The following BTBD2 variants were observed in gnomAD, a reference collection of about 807,000 sequenced individuals.
BTBD2 encodes the protein BTB/POZ domain-containing protein 2.
Under a neutral mutation model 44.0 loss-of-function variants are expected in BTBD2, and 15 were observed. The ratio of observed to expected loss-of-function variants is 0.34; its 90% confidence interval spans 0.23 to 0.53. The LOEUF (loss-of-function observed/expected upper bound fraction) is 0.53. Ranked by LOEUF, BTBD2 falls within the 20% of genes least tolerant of loss-of-function variation. The probability of loss-of-function intolerance (pLI) is 0.95; values close to 1 mark genes in which losing one functional copy is unlikely to be tolerated. For synonymous variants in BTBD2, 443 were observed against 335.9 expected, an observed-to-expected ratio of 1.32 and a Z score of -3.49; for missense variants, 657 against 746.4, an observed-to-expected ratio of 0.88 and a Z score of 1.39.
chr19:1,996,931 C>G (rs1013267334), intron 2 of BTBD2, among the ~76,000 whole-genome samples: 15 of 151,540 alleles, frequency 9.9e-5, no homozygotes, highest in Middle Eastern at 6.8e-3. Context: ...GCTTGTAATC[C>G]CAGCACTTTG....
intron 1 of BTBD2, among the ~76,000 whole-genome samples, chr19:2,000,031 C>T (rs1397924839): frequency 6.6e-6 from 1 of 151,986 alleles, no homozygotes; most frequent in Non-Finnish European, 1.5e-5. Flanking sequence ...GAAGCAGGGA[C>T]TGGAGCGATG....
At chr19:1,998,947 G>A (rs560483459) in intron 1 of BTBD2, among the ~76,000 whole-genome samples, 1 of 152,254 alleles carries the variant, frequency 6.6e-6, no homozygotes, top group South Asian at 2.1e-4. Context: ...ACCACAGCAA[G>A]TGCCGGCTCT....
At chr19:2,012,908 T>C (rs1403306116) in intron 1 of BTBD2, among the ~76,000 whole-genome samples, 1 of 152,148 alleles carries the variant, frequency 6.6e-6, no homozygotes, top group African/African-American at 2.4e-5. Flanking sequence ...CTGCACCTGC[T>C]GCTGGGTGAG....
intron 3 of BTBD2, chr19:1,991,066 G>A (rs1043753559): frequency 1.9e-4 from 87 of 451,430 alleles, no homozygotes; most frequent in Admixed American, 7.7e-5. Flanking sequence ...GCCAAGGAAG[G>A]AAGAAAAAGA....
intron 7 of BTBD2, 47 bp from the exon 8 acceptor site, chr19:1,987,023 C>T (rs770062327): frequency 8.1e-6 from 13 of 1,598,040 alleles, no homozygotes; most frequent in East Asian, 2.2e-5. Context: ...GGAGGGCCAA[C>T]GGGGACCCCT....
intron 1 of BTBD2, among the ~76,000 whole-genome samples, chr19:2,001,425 G>T (rs981108131): frequency 6.6e-6 from 1 of 152,192 alleles, no homozygotes; most frequent in African/African-American, 2.4e-5. Context: ...CCTGGAGGCG[G>T]AGGTCGCAGT....
rs556862769 is a variant in BTBD2, at chr19:1,986,441, G to T, written c.*47C>A. The stretch of plus-strand genomic sequence containing the variant: ...CCCCAGCAGCAGATGATGGCCTGGG[G>T]CTGCGGCTATCCCCACGGAGGGAGG... On this transcript the variant is annotated 3_prime_UTR_variant, in exon 9 of 9. Coordinates refer to ENST00000255608, the MANE Select transcript of BTBD2 (RefSeq NM_017797.4). The T allele has an allele frequency of 4.5e-5, 72 of 1,603,704 alleles. No homozygotes were observed. In the South Asian group the frequency reaches 7.3e-4, roughly 16 times the overall value.
chr19:1,986,193 G>A lies in BTBD2; in HGVS notation c.*295C>T, dbSNP rs899580394. ...GACGTGGGCAGGCGCCCTGAGCTGCGGGTCCGTGGGCCCTGGCCCAGGCCG... is the reference window on the plus strand; with the variant it reads ...GACGTGGGCAGGCGCCCTGAGCTGCAGGTCCGTGGGCCCTGGCCCAGGCCG... On this transcript the variant is annotated 3_prime_UTR_variant, in exon 9 of 9. Coordinates refer to ENST00000255608, the MANE Select transcript of BTBD2 (RefSeq NM_017797.4). 8.6e-5 allele frequency: 34 copies of A among 395,412 alleles called. No individual in the cohort carries two copies. The highest frequency in any genetic ancestry group is 4.9e-4 in the African/African-American group (24 of 49,102). 24.5% of individuals were successfully genotyped at this position (395,412 alleles called of 1,614,324 possible).
In BTBD2 at chr19:2,006,754, C is replaced by T. The variant is rs990676860; in HGVS notation, c.407+8543G>A. Among the ~76,000 whole-genome samples, 4 of 152,056 alleles carry T rather than the reference C, an allele frequency of 2.6e-5. No individual in the cohort carries two copies. In the South Asian group the frequency reaches 6.2e-4, roughly 24 times the overall value. On this transcript the variant is annotated intron_variant, in intron 1 of 8. Coordinates refer to ENST00000255608, the MANE Select transcript of BTBD2 (RefSeq NM_017797.4). ...ACCAGGCTGGCCTGCACTGGCACTACCTCAGCTCACTGCAACCTCCTCCTC... is the reference window on the plus strand; with the variant it reads ...ACCAGGCTGGCCTGCACTGGCACTATCTCAGCTCACTGCAACCTCCTCCTC...
intron 1 of BTBD2, 147 bp downstream of exon 1, chr19:2,015,150 A>G (rs1423654827): frequency 1.8e-6 from 2 of 1,126,454 alleles, no homozygotes; most frequent in Non-Finnish European, 2.2e-6. Flanking sequence ...GCAGGGGTGC[A>G]GGGGTCCCGG....
In BTBD2 at chr19:1,987,584, C is replaced by G. The variant is rs745309425; in HGVS notation, c.1097G>C (p.Cys366Ser). 3.1e-6 allele frequency: 5 copies of G among 1,612,530 alleles called. No homozygotes were observed. In the African/African-American group the frequency reaches 5.3e-5, roughly 17 times the overall value. The change falls in exon 6 of 9, where the codon TGC becomes TCC. Residue 366 changes from cysteine (C) to serine (S), a missense_variant. By Grantham distance (112) the Cys-to-Ser change is moderately radical. Transcript: ENST00000255608. ...RVEFIDRPRC[C>S]LRGKECSINR... ...GATGCTGCACTCCTTCCCACGCAGG[C>G]AGCAGCGGGGCCGGTCAATGAACTC...
chr19:2,009,345 C>T (rs1010167852), intron 1 of BTBD2, among the ~76,000 whole-genome samples: 1 of 151,882 alleles, frequency 6.6e-6, no homozygotes, highest in African/African-American at 2.4e-5. Flanking sequence ...ATTACAGGTG[C>T]CCACCGCCAC....
chr19:1,998,900 G>A (rs1050256746), intron 1 of BTBD2, among the ~76,000 whole-genome samples: 16 of 152,038 alleles, frequency 1.1e-4, no homozygotes, highest in Admixed American at 3.9e-4. Flanking sequence ...CGGTCCCTGC[G>A]TCACCTCTTC....
intron 1 of BTBD2, among the ~76,000 whole-genome samples, chr19:2,005,173 C>T (rs898477503): frequency 2.6e-5 from 4 of 152,160 alleles, no homozygotes; most frequent in Non-Finnish European, 5.9e-5. Flanking sequence ...CGGTTTGTTT[C>T]TGCACTCACT....
In BTBD2 at chr19:2,015,483, G is replaced by T; in HGVS notation, c.221C>A (p.Ala74Glu). The T allele has an allele frequency of 8.2e-7, 1 of 1,215,144 alleles. No individual in the cohort carries two copies. Among genetic ancestry groups the T allele is most frequent in the Non-Finnish European group, 1.0e-6 (1 of 980,340 alleles). The allele number at this position is 1,215,144 out of a possible 1,614,324, so 75.3% of individuals were successfully genotyped here. A position where few individuals can be genotyped will look rare whatever the true frequency, so the allele number is the denominator to read the frequency against. The part of the protein sequence containing the change: ...GPGTDAQAAG[A>E]ERAEEAAGPG... ...GCCCGCCGCCTCCTCCGCCCGCTCC[G>T]CGCCCGCGGCCTGCGCGTCTGTCCC... The change falls in exon 1 of 9, where the codon GCG (alanine) becomes GAG (glutamate). Residue 74 changes from alanine (A) to glutamate (E), a missense_variant. Physicochemically the swap from Ala to Glu is moderately radical, Grantham distance 107 (BLOSUM62 -1). This residue lies in a region of BTBD2 where 191 missense variants were observed against 188.5 expected (regional missense o/e 1.01). Coordinates refer to ENST00000255608, the MANE Select transcript of BTBD2 (RefSeq NM_017797.4).
At position 2,011,736 on chromosome 19, in the gene BTBD2, C is replaced by T. The variant is rs375167892; in HGVS notation, c.407+3561G>A. Among the ~76,000 whole-genome samples the T allele has an allele frequency of 5.9e-5, 9 of 152,136 alleles. No homozygotes were observed. The East Asian group carries it at 7.8e-4, about 13-fold the overall frequency. On this transcript the variant is annotated intron_variant, in intron 1 of 8. Coordinates refer to ENST00000255608, the MANE Select transcript of BTBD2 (RefSeq NM_017797.4). ...GCCTCCCCTTCCACCTCTGCCACCCCGGAGACAGACCCACCCTCCTGCTCC... is the reference window on the plus strand; with the variant it reads ...GCCTCCCCTTCCACCTCTGCCACCCTGGAGACAGACCCACCCTCCTGCTCC...
At position 1,998,382 on chromosome 19, in the gene BTBD2, C is replaced by T. The variant is rs144870125; in HGVS notation, c.408-919G>A. ...AGCCCTGTGGGGTCATCTGAGCCGC[C>T]ACGTCCATGGGGAAGGGCATGGAGG... On this transcript the variant is annotated intron_variant, in intron 1 of 8. Coordinates refer to ENST00000255608, the MANE Select transcript of BTBD2 (RefSeq NM_017797.4). Among the ~76,000 whole-genome samples the T allele has an allele frequency of 3.0e-3, 455 of 152,328 alleles. 2 individuals carry two copies. Among genetic ancestry groups the T allele is most frequent in the African/African-American group, 0.01 (431 of 41,584 alleles).
intron 5 of BTBD2, chr19:1,989,701 C>T: frequency 2.3e-6 from 1 of 431,256 alleles, no homozygotes; most frequent in East Asian, 4.7e-5. Context: ...GGTACCTGCA[C>T]CAGCAGGTAG....
chr19:1,994,929 T>C (rs568614923), intron 2 of BTBD2, among the ~76,000 whole-genome samples: 5 of 152,280 alleles, frequency 3.3e-5, no homozygotes, highest in South Asian at 2.1e-4. Flanking sequence ...CAAGTAATCA[T>C]GGTCAAACCC....
Sources: allele counts gnomAD v4.1 joint callset (sites outside exome capture counted in the v4.1 genomes callset), GRCh38; gene constraint gnomAD v4.1.1; regional missense constraint gnomAD v4.1.1; transcripts MANE v1.5; gene names NCBI Gene and HGNC (gene_info 2026-07-23, HGNC 2026-07-21).